RBFOX1: variants seen among roughly 807,000 people sequenced by gnomAD.
The protein encoded by RBFOX1 is RNA binding fox-1 homolog 1.
Under a neutral mutation model 57.7 loss-of-function variants are expected in RBFOX1, and 8 were observed. That is an observed-to-expected ratio of 0.14 (90% confidence interval 0.08 to 0.25). The LOEUF is 0.25. RBFOX1 is among the 10% of genes least tolerant of loss of function. RBFOX1 has a pLI of 1.00. For missense variants in RBFOX1, 611 were observed against 548.5 expected (o/e 1.11, Z -1.14); for synonymous variants, 326 against 222.4 (o/e 1.47, Z -4.15).
intron 3 of RBFOX1, among the ~76,000 whole-genome samples, chr16:6,806,802 A>T: frequency 9.7e-6 from 1 of 102,616 alleles, no homozygotes; most frequent in Non-Finnish European, 2.0e-5. Flanking sequence ...ATTTATATAT[A>T]TAAATAAATA....
chr16:5,316,287 C>T (rs1277184057), intron 1 of RBFOX1, among the ~76,000 whole-genome samples: 1 of 152,240 alleles, frequency 6.6e-6, no homozygotes, highest in Non-Finnish European at 1.5e-5. Context: ...TATTGCATTT[C>T]CTCAAGACAC....
chr16:6,891,007 CTG>C (rs1383238877), intron 3 of RBFOX1, among the ~76,000 whole-genome samples: 4 of 152,154 alleles, frequency 2.6e-5, no homozygotes, highest in South Asian at 4.1e-4. Flanking sequence ...CCCTTCAACA[CTG>C]TGAACGTTTT....
intron 1 of RBFOX1, among the ~76,000 whole-genome samples, chr16:6,288,125 C>G (rs1366861919): frequency 6.6e-6 from 1 of 152,142 alleles, no homozygotes; most frequent in Admixed American, 6.6e-5. Context: ...ATGTGAAGCT[C>G]TCATTCAGTT....
chr16:5,667,646 T>G (rs530734720), intron 3 of RBFOX1, among the ~76,000 whole-genome samples: 1 of 152,358 alleles, frequency 6.6e-6, no homozygotes, highest in Admixed American at 6.5e-5. Context: ...TTGGATTTTC[T>G]TATTTTTCTG....
intron 11 of RBFOX1, among the ~76,000 whole-genome samples, chr16:7,651,068 TAAAA>T (rs3837771): frequency 2.6e-5 from 4 of 151,996 alleles, no homozygotes; most frequent in African/African-American, 9.7e-5. Flanking sequence ...TTAGCAAGAA[TAAAA>T]AAAGTTAAAA....
At chr16:6,596,297 A>C (rs2097776139) in intron 2 of RBFOX1, among the ~76,000 whole-genome samples, 1 of 152,152 alleles carries the variant, frequency 6.6e-6, no homozygotes, top group Non-Finnish European at 1.5e-5. Flanking sequence ...GCATGTGGTG[A>C]GATAAGGATT....
At chr16:5,992,243 T>G (rs2152320403) in intron 4 of RBFOX1, among the ~76,000 whole-genome samples, 1 of 152,304 alleles carries the variant, frequency 6.6e-6, no homozygotes, top group Admixed American at 6.5e-5. Context: ...TTTCAAGTTC[T>G]TTAGAAGATT....
chr16:6,106,874 T>C (rs912441948), intron 1 of RBFOX1, among the ~76,000 whole-genome samples: 48 of 152,120 alleles, frequency 3.2e-4, no homozygotes, highest in Admixed American at 2.2e-3. Flanking sequence ...GGTTTCACTG[T>C]GTTAGCCAGG....
intron 2 of RBFOX1, among the ~76,000 whole-genome samples, chr16:6,558,931 C>G (rs1053943372): frequency 3.3e-5 from 5 of 152,100 alleles, no homozygotes; most frequent in African/African-American, 4.8e-5. Context: ...TCACCACAAC[C>G]TTTGCAGAGT....
At chr16:7,303,760 G>GCTCTCTCTCTCTCT (rs145673482) in intron 4 of RBFOX1, among the ~76,000 whole-genome samples, 1 of 139,900 alleles carries the variant, frequency 7.1e-6, no homozygotes, top group Non-Finnish European at 1.6e-5. Flanking sequence ...CCTCCCTCTC[G>GCTCTCTCTCTCTCT]CTCTCTCTCT....
Position 7,455,636 on chromosome 16 carries a change from C to CA in RBFOX1, c.28-62500dup, listed in dbSNP as rs879671076. Among the ~76,000 whole-genome samples the CA allele has an allele frequency of 5.1e-3, 727 of 142,978 alleles. 3 individuals carry two copies. Among genetic ancestry groups the CA allele is most frequent in the Admixed American group, 5.6e-3 (80 of 14,312 alleles). 93.8% of individuals were successfully genotyped at this position (142,978 alleles called of 152,430 possible). On this transcript the variant is annotated intron_variant, in intron 4 of 15. Coordinates refer to ENST00000550418, the MANE Select transcript of RBFOX1 (RefSeq NM_018723.4). ...GTGAAATCCCATCTCTACTGAAATA[C>CA]AAAAAAAAAAATTAGCCAGGCGTGG...
chr16:6,358,794 G>C (rs2087860365), intron 2 of RBFOX1, among the ~76,000 whole-genome samples: 1 of 152,182 alleles, frequency 6.6e-6, no homozygotes, highest in African/African-American at 2.4e-5. Context: ...GCTTCTGTTT[G>C]TGAATTTAGA....
chr16:6,292,504 G>C (rs547155639), intron 1 of RBFOX1, among the ~76,000 whole-genome samples: 91 of 152,038 alleles, frequency 6.0e-4, no homozygotes, highest in African/African-American at 2.1e-3. Context: ...ACTGAAAGCA[G>C]CCTCTTAATA....
intron 3 of RBFOX1, among the ~76,000 whole-genome samples, chr16:5,821,817 C>T (rs1227672691): frequency 6.6e-6 from 1 of 152,272 alleles, no homozygotes; most frequent in East Asian, 1.9e-4. Flanking sequence ...TCTCTTGCTG[C>T]TGCATCCTCA....
intron 2 of RBFOX1, among the ~76,000 whole-genome samples, chr16:6,453,643 A>C (rs2094689806): frequency 6.6e-6 from 1 of 152,158 alleles, no homozygotes; most frequent in Non-Finnish European, 1.5e-5. Context: ...AACTATTTCC[A>C]AACAATAGAA....
chr16:6,377,572 C>T (rs1156729484), intron 2 of RBFOX1, among the ~76,000 whole-genome samples: 2 of 152,154 alleles, frequency 1.3e-5, no homozygotes, highest in Non-Finnish European at 2.9e-5. Flanking sequence ...ACATGCACTT[C>T]AGTGGAATTT....
rs115165636 is a variant in RBFOX1 at position 6,791,827 on chromosome 16, C to T, written c.-16+137177C>T. 7.6e-3 allele frequency among the ~76,000 whole-genome samples: 1,156 copies of T among 152,188 alleles called. 19 individuals carry two copies. The highest frequency in any genetic ancestry group is 0.025 in the African/African-American group (1,056 of 41,496). On this transcript the variant is annotated intron_variant, in intron 3 of 15. Transcript: ENST00000550418. ...TCCCTGTGTGTACACAGTCATACCT[C>T]CAGGAAGGTGGTACTGGTTCAATAC...
At chr16:7,386,835 C>T (rs927177443) in intron 4 of RBFOX1, among the ~76,000 whole-genome samples, 2 of 152,138 alleles carry the variant, frequency 1.3e-5, no homozygotes, top group Admixed American at 1.3e-4. Context: ...CTAATTTACA[C>T]TCCTACCAAC....
At chr16:5,573,669 A>C (rs1409043076) in intron 2 of RBFOX1, among the ~76,000 whole-genome samples, 1 of 152,152 alleles carries the variant, frequency 6.6e-6, no homozygotes, top group East Asian at 1.9e-4. Flanking sequence ...CTCCTCTCTA[A>C]GAAACAGACC....
Sources: gnomAD v4.1 joint callset for allele counts (sites outside exome capture counted in the v4.1 genomes callset) on GRCh38, gnomAD v4.1.1 for gene constraint, MANE v1.5 for transcripts, NCBI Gene and HGNC (gene_info 2026-07-23, HGNC 2026-07-21) for gene names.